The following CASS4 variants were observed in gnomAD, a reference collection of about 807,000 sequenced individuals.
CASS4 encodes the protein Cas scaffold protein family member 4.
CASS4 carries 22 observed loss-of-function variants against 54.2 expected under a neutral mutation model. The observed-to-expected ratio is 0.41, with a 90% CI of 0.29 to 0.58. CASS4 has a LOEUF of 0.58. CASS4 is among the 20% of genes least tolerant of loss of function. The pLI is 0.36. For synonymous variants in CASS4, 409 were observed against 391.5 expected (o/e 1.04, Z -0.53); for missense variants, 854 against 986.7 (o/e 0.87, Z 1.80).
chr20:56,412,385 G>T lies in CASS4; in HGVS notation c.-74G>T. On this transcript the variant is annotated 5_prime_UTR_variant, in exon 1 of 6. The change abolishes the stop of an existing upstream ORF in the 5' untranslated region. Transcript: ENST00000679887. This position sits in a 1 kb window ranked among gnomAD's most constrained non-coding sequence, Gnocchi z 4.2. ...TGAGAACCAGCCAGAAGCATGCAGT[G>T]ACATTGCACAATCTGCCTCTGAAGC... is the stretch of plus-strand genomic sequence containing the variant. 2 of 1,500,910 alleles carry T rather than the reference G, an allele frequency of 1.3e-6. No homozygotes were observed. The highest frequency in any genetic ancestry group is 2.3e-5 in the East Asian group (1 of 43,234). 93.0% of individuals were successfully genotyped at this position (1,500,910 alleles called of 1,614,324 possible).
chr20:56,421,999 G>A (rs918703419), intron 1 of CASS4, among the ~76,000 whole-genome samples: 3 of 152,198 alleles, frequency 2.0e-5, no homozygotes, highest in Middle Eastern at 3.2e-3. Context: ...GAACTTTGGC[G>A]ATTGCCCTGG....
At chr20:56,419,360 T>C (rs975620691) in intron 1 of CASS4, among the ~76,000 whole-genome samples, 1 of 152,168 alleles carries the variant, frequency 6.6e-6, no homozygotes, top group Non-Finnish European at 1.5e-5. Flanking sequence ...ACGAAAAGCA[T>C]AGTCGACACT....
intron 1 of CASS4, among the ~76,000 whole-genome samples, chr20:56,425,196 C>T (rs548336849): frequency 3.3e-5 from 5 of 152,322 alleles, no homozygotes; most frequent in East Asian, 3.9e-4. Flanking sequence ...GGAAGGGCAG[C>T]GAGCCTCCCC....
chr20:56,428,247 A>T (rs1410851483), intron 1 of CASS4, among the ~76,000 whole-genome samples: 1 of 152,238 alleles, frequency 6.6e-6, no homozygotes, highest in Admixed American at 6.5e-5. Context: ...AGGAGGAAGC[A>T]GGATGGGGCC....
rs759102172 is a variant in CASS4, at chr20:56,430,895, G to T, written c.37-6269G>T. 6.6e-6 allele frequency among the ~76,000 whole-genome samples: 1 copy of T among 152,220 alleles called. No individual in the cohort carries two copies. Among genetic ancestry groups the T allele is most frequent in the South Asian group, 2.1e-4 (1 of 4,834 alleles). ...GAAAACAATGTGACTGGAGGGAAAT[G>T]AATGAGGGTAGAGCTGCAAACTGGG... On this transcript the variant is annotated intron_variant, in intron 1 of 5. Transcript: ENST00000679887. The surrounding 1 kb of genome is among the most constrained non-coding windows in gnomAD (Gnocchi z 4.2).
At chr20:56,458,290 A>G (rs1981395878) in intron 5 of CASS4, 50 bp from the exon 6 acceptor site, 3 of 1,537,110 alleles carry the variant, frequency 2.0e-6, no homozygotes, top group Non-Finnish European at 2.7e-6. Flanking sequence ...GCAGACAGCC[A>G]CAGCCCATTG....
At chr20:56,421,050 A>G (rs1979387794) in intron 1 of CASS4, among the ~76,000 whole-genome samples, 1 of 152,210 alleles carries the variant, frequency 6.6e-6, no homozygotes, top group Non-Finnish European at 1.5e-5. Flanking sequence ...CCATAGAAAG[A>G]TGGAAAAGTT....
chr20:56,437,093 A>G lies in CASS4; in HGVS notation c.37-71A>G. On this transcript the variant is annotated intron_variant, in intron 1 of 5. Transcript: ENST00000679887. This position sits in a 1 kb window ranked among gnomAD's most constrained non-coding sequence, Gnocchi z 4.7. ...GAATTTGTATGAAGCTTTCTAAGAGAGTGGGATTGGAGTAGCAGTCACTGG... is the reference window on the plus strand; with the variant it reads ...GAATTTGTATGAAGCTTTCTAAGAGGGTGGGATTGGAGTAGCAGTCACTGG... 7.8e-7 allele frequency: 1 copy of G among 1,288,444 alleles called. No homozygotes were observed. Among genetic ancestry groups the G allele is most frequent in the Non-Finnish European group, 1.1e-6 (1 of 931,326 alleles). 79.8% of individuals were successfully genotyped at this position (1,288,444 alleles called of 1,614,324 possible).
chr20:56,416,289 A>G (rs1459406441), intron 1 of CASS4, among the ~76,000 whole-genome samples: 2 of 152,194 alleles, frequency 1.3e-5, no homozygotes, highest in African/African-American at 4.8e-5. Flanking sequence ...ACCTCAAGTT[A>G]TCTGCCTGTC....
chr20:56,438,812 G>T (rs139194067), intron 2 of CASS4, among the ~76,000 whole-genome samples: 2 of 152,168 alleles, frequency 1.3e-5, no homozygotes, highest in African/African-American at 2.4e-5. Flanking sequence ...AGCTGAGATC[G>T]CACCATTGCT....
In CASS4 at chr20:56,452,256, TCA is replaced by T; in HGVS notation, c.1081_1082del (p.Gln361GlyfsTer19). ...DIPKATSSVS[Q>X]AGKELEKAKE... is the part of the protein sequence containing the mutation. Reference sequence around the variant, plus strand: ...TCCCTAAAGCAACGTCGAGTGTTTCTCAGGCTGGGAAGGAGCTGGAGAAAGCC... The same window carrying T: ...TCCCTAAAGCAACGTCGAGTGTTTCTGGCTGGGAAGGAGCTGGAGAAAGCC... On this transcript the variant is annotated frameshift_variant, in exon 5 of 6. Coordinates refer to ENST00000679887, the MANE Select transcript of CASS4 (RefSeq NM_020356.4). LOFTEE classifies it high-confidence loss of function. The T allele has an allele frequency of 6.2e-7, 1 of 1,614,020 alleles. No individual in the cohort carries two copies. Among genetic ancestry groups the T allele is most frequent in the South Asian group, 1.1e-5 (1 of 91,080 alleles).
intron 1 of CASS4, among the ~76,000 whole-genome samples, chr20:56,415,915 C>T (rs141449328): frequency 1.3e-4 from 20 of 152,206 alleles, no homozygotes; most frequent in Non-Finnish European, 2.5e-4. Flanking sequence ...TAGAACAAGG[C>T]GAAATTTTTT....
chr20:56,425,054 A>G (rs1979575923), intron 1 of CASS4, among the ~76,000 whole-genome samples: 1 of 152,344 alleles, frequency 6.6e-6, no homozygotes, highest in East Asian at 1.9e-4. Context: ...CTGATACTGC[A>G]TATCCTAACT....
At chr20:56,421,514 T>A (rs990816513) in intron 1 of CASS4, among the ~76,000 whole-genome samples, 1 of 151,932 alleles carries the variant, frequency 6.6e-6, no homozygotes, top group African/African-American at 2.4e-5. Context: ...CTGGGCAACA[T>A]AGCGAGACTA....
intron 1 of CASS4, among the ~76,000 whole-genome samples, chr20:56,424,489 C>T (rs979152205): frequency 2.6e-5 from 4 of 152,066 alleles, no homozygotes; most frequent in Non-Finnish European, 5.9e-5. Context: ...GCCTGTAATC[C>T]TAGCACTTTG....
chr20:56,448,631 C>T (rs1980843009), intron 3 of CASS4, among the ~76,000 whole-genome samples: 1 of 152,122 alleles, frequency 6.6e-6, no homozygotes, highest in African/African-American at 2.4e-5. Context: ...CAGCCCAACT[C>T]CCTCTACAGA....
At chr20:56,444,562 C>T (rs1980616887) in intron 2 of CASS4, among the ~76,000 whole-genome samples, 1 of 152,158 alleles carries the variant, frequency 6.6e-6, no homozygotes, top group African/African-American at 2.4e-5. Flanking sequence ...CTCCTAGAGA[C>T]GTTCTAGTTC....
In CASS4 at chr20:56,430,276, T is replaced by G. The variant is rs1327615306; in HGVS notation, c.37-6888T>G. The stretch of plus-strand genomic sequence containing the variant: ...CTTATTCTTCACGTTTGTTTCCCTA[T>G]CCTCCTCCTGTTCTTCCTTCCAAAT... On this transcript the variant is annotated intron_variant, in intron 1 of 5. Coordinates refer to ENST00000679887, the MANE Select transcript of CASS4 (RefSeq NM_020356.4). The surrounding 1 kb of genome is among the most constrained non-coding windows in gnomAD (Gnocchi z 4.2). Among the ~76,000 whole-genome samples, 1 of 152,242 alleles carries G rather than the reference T, an allele frequency of 6.6e-6. No individual in the cohort carries two copies. The highest frequency in any genetic ancestry group is 1.5e-5 in the Non-Finnish European group (1 of 68,040).
In CASS4 at chr20:56,445,965, C is replaced by G; in HGVS notation, c.525C>G (p.Asp175Glu). 1 of 1,614,062 alleles carries G rather than the reference C, an allele frequency of 6.2e-7. No homozygotes were observed. Among genetic ancestry groups the G allele is most frequent in the Non-Finnish European group, 8.5e-7 (1 of 1,180,020 alleles). ...CGACTCTGCCTTCCCAGGTGTATGA[C>G]GTGCCTACCCAGCACCGGGGCCCCG... ...SLPTLPSQVYDVPTQHRGPVV... is the reference protein window; with the variant it reads ...SLPTLPSQVYEVPTQHRGPVV... Residue 175 changes from aspartate to glutamate, a missense_variant, in exon 3 of 6, where the codon GAC (aspartate) becomes GAG (glutamate). Transcript: ENST00000679887.
Sources: gnomAD v4.1 joint callset for allele counts (sites outside exome capture counted in the v4.1 genomes callset) on GRCh38, gnomAD v4.1.1 for gene constraint, Gnocchi (gnomAD v3.1) non-coding constraint, MANE v1.5 for transcripts, NCBI Gene and HGNC (gene_info 2026-07-23, HGNC 2026-07-21) for gene names.